Variants in TBRG4 observed in about 807,000 individuals in gnomAD.
TBRG4 encodes FAST kinase domain-containing protein 4.
TBRG4 carries 43 observed loss-of-function variants against 65.6 expected under a neutral mutation model. That is an observed-to-expected ratio of 0.66 (90% confidence interval 0.51 to 0.85). The LOEUF (loss-of-function observed/expected upper bound fraction) is 0.85, where lower values mean the gene tolerates loss of function less well. Among genes scored for constraint, TBRG4 ranks in the 40% least tolerant of loss-of-function variants. The pLI is 0.00. For missense variants in TBRG4, 709 were observed against 787.9 expected (o/e 0.90, Z 1.20); for synonymous variants, 366 against 341.4 (o/e 1.07, Z -0.79).
In TBRG4 at chr7:45,105,273, G is replaced by A. The variant is rs1456199337; in HGVS notation, c.735+168C>T. 5.3e-5 allele frequency: 39 copies of A among 739,116 alleles called. No individual in the cohort carries two copies. The Admixed American group carries it at 8.6e-4, about 16-fold the overall frequency. The allele number at this position is 739,116 out of a possible 1,614,324, so 45.8% of individuals were successfully genotyped here. On this transcript the variant is annotated intron_variant, in intron 3 of 10. Transcript: ENST00000258770. ...CAGGGCAACCACCTGTTGCAGCTCC[G>A]AGCCCTCTGGTCCTGCCCCATGTGA...
chr7:45,106,067 G>C, intron 2 of TBRG4: 1 of 623,542 alleles, frequency 1.6e-6, no homozygotes, highest in Non-Finnish European at 3.0e-6. Flanking sequence ...GCCTACCATA[G>C]ACAGGGCAGG....
rs765735124 is a variant in TBRG4 at position 45,101,358 on chromosome 7, C to T, written c.1694G>A (p.Arg565Gln). The T allele has an allele frequency of 1.5e-5, 25 of 1,613,862 alleles. No homozygotes were observed. Among genetic ancestry groups the T allele is most frequent in the South Asian group, 4.4e-5 (4 of 91,080 alleles). The change falls in exon 10 of 11, where the codon CGG becomes CAG. Residue 565 changes from arginine (R) to glutamine (Q), a missense_variant. Coordinates refer to ENST00000258770, the MANE Select transcript of TBRG4 (RefSeq NM_004749.4). ...GCTGTTGAAGTTGGGGAACTCCCAC[C>T]GCAAGAACGCTAGCCTGGAAGGAAG... ...PPGSKRLAFL[R>Q]WEFPNFNSRS...
rs1392140068 is a variant in TBRG4, at chr7:45,108,945, T to C, written c.293A>G (p.Asn98Ser). 5.6e-6 allele frequency: 9 copies of C among 1,612,626 alleles called. No homozygotes were observed. Among genetic ancestry groups the C allele is most frequent in the South Asian group, 2.2e-5 (2 of 90,900 alleles). The change falls in exon 2 of 11, where the codon AAT becomes AGT. Residue 98 changes from asparagine to serine, a missense_variant. Asn to Ser is a conservative substitution (Grantham distance 46). Transcript: ENST00000258770. Reference sequence around the variant, plus strand: ...CCGGATAAGTACCATTGCTGCTTGATTGCTGTCCAAGTCGTGACTGCCACC... The same window carrying C: ...CCGGATAAGTACCATTGCTGCTTGACTGCTGTCCAAGTCGTGACTGCCACC... Reference protein sequence around the residue: ...LLGGSHDLDSNQAAMVLIRLS... With the variant: ...LLGGSHDLDSSQAAMVLIRLS...
chr7:45,102,779 G>A, intron 6 of TBRG4: 1 of 471,480 alleles, frequency 2.1e-6, no homozygotes, highest in African/African-American at 2.0e-5. Flanking sequence ...TACTGGCAGG[G>A]AACAAGATCC....
intron 6 of TBRG4, 64 bp from the exon 7 acceptor site, chr7:45,102,555 G>A: frequency 6.4e-7 from 1 of 1,567,232 alleles, no homozygotes; most frequent in Non-Finnish European, 8.6e-7. Flanking sequence ...ATAGCCATGG[G>A]TGAGACACAA....
rs373738251 is a variant in TBRG4 at position 45,105,803 on chromosome 7, T to C, written c.412-39A>G. 4 of 1,570,130 alleles carry C rather than the reference T, an allele frequency of 2.5e-6. No homozygotes were observed. The African/African-American group carries it at 5.4e-5, about 21-fold the overall frequency. On this transcript the variant is annotated intron_variant, in intron 2 of 10. Transcript: ENST00000258770. ...GGACACAGGAGAAATGATGTGGCAC[T>C]GTCAGTCCTGTGTGTGAGCTGGAGG...
chr7:45,105,243 A>AGCC, intron 3 of TBRG4, 198 bp downstream of exon 3: 1 of 632,772 alleles, frequency 1.6e-6, no homozygotes. Flanking sequence ...TGATGAATGC[A>AGCC]GCCACAGGGC....
intron 8 of TBRG4, 79 bp downstream of exon 8, chr7:45,101,746 C>G: frequency 1.3e-6 from 2 of 1,597,996 alleles, no homozygotes; most frequent in South Asian, 2.2e-5. Flanking sequence ...TCAGTACTTG[C>G]TGCAGACGGG....
intron 2 of TBRG4, 77 bp downstream of exon 2, chr7:45,108,750 C>A: frequency 2.4e-6 from 3 of 1,262,544 alleles, no homozygotes; most frequent in Non-Finnish European, 3.2e-6. Flanking sequence ...GCTTGGTAAG[C>A]ACTGGCTGCT....
At chr7:45,110,320 C>G (rs11769415) in intron 1 of TBRG4, among the ~76,000 whole-genome samples, 18,283 of 152,252 alleles carry the variant, frequency 0.12, 1,383 homozygotes, top group Middle Eastern at 0.18. Flanking sequence ...CAAGGCCAAA[C>G]TCAATGTTGC....
rs2128643629 is a variant in TBRG4 at position 45,100,259 on chromosome 7, C to T, written c.*66G>A. 1 of 1,405,112 alleles carries T rather than the reference C, an allele frequency of 7.1e-7. No homozygotes were observed. The highest frequency in any genetic ancestry group is 1.3e-5 in the South Asian group (1 of 79,896). 87.0% of individuals were successfully genotyped at this position (1,405,112 alleles called of 1,614,324 possible). On this transcript the variant is annotated 3_prime_UTR_variant, in exon 11 of 11. Coordinates refer to ENST00000258770, the MANE Select transcript of TBRG4 (RefSeq NM_004749.4). ...CACAGAGGTTTGTCCTCAAGGGTGACCCTTCTTGGCCGCCCACAGCTAGAC... is the reference window on the plus strand; with the variant it reads ...CACAGAGGTTTGTCCTCAAGGGTGATCCTTCTTGGCCGCCCACAGCTAGAC...
In TBRG4 at chr7:45,101,887, C is replaced by A; in HGVS notation, c.1505G>T (p.Gly502Val). Reference sequence around the variant, plus strand: ...GCCCTTGTCGGCGCTCCCCAGCAGCCCCTTCAGCGTCTCCTGCAGCTCCTT... The same window carrying A: ...GCCCTTGTCGGCGCTCCCCAGCAGCACCTTCAGCGTCTCCTGCAGCTCCTT... ...LQKELQETLK[G>V]LLGSADKGSL... is the part of the protein sequence containing the mutation. Residue 502 changes from glycine (G) to valine (V), a missense_variant, in exon 8 of 11, where the codon GGG (glycine) becomes GTG (valine). By Grantham distance (109) the Gly-to-Val change is moderately radical (BLOSUM62 -3). Transcript: ENST00000258770. The A allele has an allele frequency of 1.2e-6, 2 of 1,611,320 alleles. No homozygotes were observed. The highest frequency in any genetic ancestry group is 1.7e-6 in the Non-Finnish European group (2 of 1,179,522).
chr7:45,102,138 G>A, intron 7 of TBRG4, 68 bp from the exon 8 acceptor site: 1 of 1,535,656 alleles, frequency 6.5e-7, no homozygotes, highest in Non-Finnish European at 8.7e-7. Flanking sequence ...CTGATGAGAG[G>A]GCAGTGCACC....
intron 4 of TBRG4, 43 bp downstream of exon 4, chr7:45,104,495 G>A (rs779538171): frequency 6.2e-7 from 1 of 1,613,390 alleles, no homozygotes; most frequent in Non-Finnish European, 8.5e-7. Context: ...CATCTGCAGG[G>A]CCAGCGCTCC....
chr7:45,108,508 C>G (rs1430072328), intron 2 of TBRG4, among the ~76,000 whole-genome samples: 3 of 152,178 alleles, frequency 2.0e-5, no homozygotes, highest in Non-Finnish European at 1.5e-5. Context: ...TGGCAGAGAG[C>G]AATACAAGTC....
At chr7:45,104,506 CCT>C (rs1046974270) in intron 4 of TBRG4, 30 bp downstream of exon 4, 16 of 1,613,656 alleles carry the variant, frequency 9.9e-6, no homozygotes, top group Admixed American at 3.3e-5. Flanking sequence ...CCAGCGCTCC[CCT>C]CTCTCCACCG....
intron 7 of TBRG4, 129 bp from the exon 8 acceptor site, chr7:45,102,199 C>T (rs547525705): frequency 3.9e-5 from 60 of 1,531,362 alleles, no homozygotes; most frequent in South Asian, 2.0e-4. Context: ...AGCAGAGTTA[C>T]GGTCTGCTGG....
Position 45,100,300 on chromosome 7 carries a change from A to G in TBRG4, c.*25T>C. 5.0e-6 allele frequency: 8 copies of G among 1,603,546 alleles called. No homozygotes were observed. The highest frequency in any genetic ancestry group is 4.3e-6 in the Non-Finnish European group (5 of 1,171,230). ...ACAGCTAGACCTCCGGCGGAGAGGC[A>G]CGCAGTCCATGCTGCTGGCACAAGT... On this transcript the variant is annotated 3_prime_UTR_variant, in exon 11 of 11. Transcript: ENST00000258770.
chr7:45,104,285 A>C, intron 4 of TBRG4, 29 bp from the exon 5 acceptor site: 5 of 1,612,958 alleles, frequency 3.1e-6, no homozygotes, highest in Non-Finnish European at 4.2e-6. Context: ...CACAGGGTTT[A>C]GCTGGAGAGA....
Sources: gnomAD v4.1 joint callset for allele counts (sites outside exome capture counted in the v4.1 genomes callset) on GRCh38, gnomAD v4.1.1 for gene constraint, MANE v1.5 for transcripts, NCBI Gene and HGNC (gene_info 2026-07-23, HGNC 2026-07-21) for gene names.